SNX8: variants seen among roughly 807,000 people sequenced by gnomAD.
SNX8 encodes the protein sorting nexin 8.
A neutral mutation model predicts 51.6 loss-of-function variants in SNX8; 25 were observed. That is an observed-to-expected ratio of 0.48 (90% CI 0.35 to 0.68). The LOEUF is 0.68. Ranked by LOEUF, SNX8 falls within the 30% of genes least tolerant of loss-of-function variation. The pLI, the probability that SNX8 is intolerant of heterozygous loss-of-function variation, is 0.00. For synonymous variants in SNX8, 324 were observed against 277.0 expected (o/e 1.17, Z -1.68); for missense variants, 695 against 624.0 (o/e 1.11, Z -1.21).
At chr7:2,264,085 C>T (rs1013161603) in intron 6 of SNX8, among the ~76,000 whole-genome samples, 1 of 152,080 alleles carries the variant, frequency 6.6e-6, no homozygotes, top group African/African-American at 2.4e-5. Flanking sequence ...AGCATTTACT[C>T]GTGCTCAGAA....
chr7:2,302,202 G>A (rs918791204), intron 1 of SNX8, among the ~76,000 whole-genome samples: 10 of 151,876 alleles, frequency 6.6e-5, no homozygotes, highest in African/African-American at 2.4e-4. Flanking sequence ...CAACCTCCCT[G>A]CCTGATTCTC....
At chr7:2,295,014 G>A (rs1175010156) in intron 1 of SNX8, among the ~76,000 whole-genome samples, 1 of 152,052 alleles carries the variant, frequency 6.6e-6, no homozygotes, top group Non-Finnish European at 1.5e-5. Context: ...CTGGGTAACA[G>A]AATAAGACCC....
intron 1 of SNX8, among the ~76,000 whole-genome samples, chr7:2,287,267 A>G (rs182099971): frequency 8.0e-5 from 12 of 150,762 alleles, no homozygotes; most frequent in Non-Finnish European, 1.5e-4. Flanking sequence ...AAAAAAAAAG[A>G]CTGATGAAAA....
chr7:2,270,640 C>T (rs987069626), intron 4 of SNX8, among the ~76,000 whole-genome samples: 1 of 152,028 alleles, frequency 6.6e-6, no homozygotes, highest in African/African-American at 2.4e-5. Context: ...CAATGCAGAT[C>T]GCCTCCAAAG....
chr7:2,260,442 C>T (rs990503669), intron 7 of SNX8, among the ~76,000 whole-genome samples: 1 of 152,094 alleles, frequency 6.6e-6, no homozygotes, highest in African/African-American at 2.4e-5. Context: ...CTGTCCTGGG[C>T]CACACGCAGC....
intron 6 of SNX8, 78 bp from the exon 7 acceptor site, chr7:2,263,440 G>T: frequency 7.1e-7 from 1 of 1,411,076 alleles, no homozygotes; most frequent in Middle Eastern, 1.8e-4. Flanking sequence ...CATCCCCCCC[G>T]ACAGATGTCC....
intron 1 of SNX8, among the ~76,000 whole-genome samples, chr7:2,290,765 A>G (rs1261183445): frequency 2.0e-5 from 3 of 152,158 alleles, no homozygotes; most frequent in South Asian, 2.1e-4. Context: ...AACGTAGTCA[A>G]CAGACCCTGC....
chr7:2,344,233 G>C (rs1394193380), intron 1 of SNX8, among the ~76,000 whole-genome samples: 1 of 151,644 alleles, frequency 6.6e-6, no homozygotes, highest in Non-Finnish European at 1.5e-5. Context: ...GAAAATCCTA[G>C]TACTTTGGGA....
chr7:2,294,861 C>T (rs1226367052), intron 1 of SNX8, among the ~76,000 whole-genome samples: 1 of 151,746 alleles, frequency 6.6e-6, no homozygotes, highest in Non-Finnish European at 1.5e-5. Flanking sequence ...TGGCAATACC[C>T]CATCTCTACA....
intron 1 of SNX8, among the ~76,000 whole-genome samples, chr7:2,336,522 C>T (rs915939998): frequency 6.6e-5 from 10 of 151,988 alleles, no homozygotes; most frequent in East Asian, 5.8e-4. Context: ...GCCTGCCTAA[C>T]GCAGTGAAAT....
intron 1 of SNX8, among the ~76,000 whole-genome samples, chr7:2,342,154 G>A (rs986810651): frequency 6.0e-5 from 9 of 150,968 alleles, no homozygotes; most frequent in African/African-American, 2.2e-4. Flanking sequence ...ACTCCAGCCT[G>A]GGCAATAAGA....
intron 1 of SNX8, among the ~76,000 whole-genome samples, chr7:2,351,914 T>G (rs891934490): frequency 2.9e-4 from 43 of 146,522 alleles, no homozygotes; most frequent in African/African-American, 1.0e-3. Context: ...GGTTTTTTTT[T>G]TTTTTTTTTT....
upstream of SNX8, among the ~76,000 whole-genome samples, chr7:2,317,183 G>A (rs1221961851): frequency 1.3e-5 from 2 of 149,918 alleles, no homozygotes; most frequent in African/African-American, 2.5e-5. Context: ...AAAGTGTGGG[G>A]TTTGGCATGG....
chr7:2,330,605 GA>G (rs918994481), intron 1 of SNX8, among the ~76,000 whole-genome samples: 2 of 152,174 alleles, frequency 1.3e-5, no homozygotes, highest in African/African-American at 4.8e-5. Flanking sequence ...GGTCTGGGGG[GA>G]TAGGTAGTCT....
intron 1 of SNX8, among the ~76,000 whole-genome samples, chr7:2,304,356 A>T (rs1796496582): frequency 6.6e-6 from 1 of 151,082 alleles, no homozygotes; most frequent in African/African-American, 2.4e-5. Flanking sequence ...CATCCTGGCT[A>T]ACAGGGTGAA....
chr7:2,346,921 C>CAA (rs758069233), intron 1 of SNX8, among the ~76,000 whole-genome samples: 10 of 49,596 alleles, frequency 2.0e-4, no homozygotes, highest in South Asian at 6.7e-4. Flanking sequence ...GACTCCGTCT[C>CAA]AAAAAAAAAA....
intron 1 of SNX8, among the ~76,000 whole-genome samples, chr7:2,330,794 A>C (rs1359422674): frequency 6.6e-6 from 1 of 152,116 alleles, no homozygotes; most frequent in Non-Finnish European, 1.5e-5. Context: ...TGCAGGAAAA[A>C]CATGGTTTTT....
chr7:2,295,559 G>GC (rs1290158071), intron 1 of SNX8, among the ~76,000 whole-genome samples: 1 of 131,716 alleles, frequency 7.6e-6, no homozygotes, highest in Non-Finnish European at 1.5e-5. Flanking sequence ...ACAAAAATCA[G>GC]CCAGGCATGG....
chr7:2,334,308 C>T (rs1009843462), intron 1 of SNX8, among the ~76,000 whole-genome samples: 2 of 151,742 alleles, frequency 1.3e-5, no homozygotes, highest in Admixed American at 1.3e-4. Context: ...CAGGCTGAGG[C>T]AGGAGAATCA....
Sources: gnomAD v4.1 joint callset for allele counts (sites outside exome capture counted in the v4.1 genomes callset) on GRCh38, gnomAD v4.1.1 for gene constraint, MANE v1.5 for transcripts, NCBI Gene and HGNC (gene_info 2026-07-23, HGNC 2026-07-21) for gene names.